Variants in TNRC6B observed in about 807,000 individuals in gnomAD.
The protein encoded by TNRC6B is trinucleotide repeat-containing gene 6B protein.
TNRC6B carries 52 observed loss-of-function variants against 203.6 expected under a neutral mutation model. That is an observed-to-expected ratio of 0.26 (90% CI 0.20 to 0.32). The LOEUF is 0.32. Among genes scored for constraint, TNRC6B ranks in the 10% least tolerant of loss-of-function variants. The pLI is 1.00. For missense variants in TNRC6B, 1,923 were observed against 2,286.2 expected (o/e 0.84, Z 3.24); for synonymous variants, 838 against 845.7 (o/e 0.99, Z 0.16).
rs530812812 is a variant in TNRC6B, at chr22:40,149,980, A to T, written c.46-6135A>T. ...CACCTGGTATAAAATAATTTTTTTT[A>T]AAATGAAAGCCAACAAAAAATTGAA... is the stretch of plus-strand genomic sequence containing the variant. On this transcript the variant is annotated intron_variant, in intron 3 of 23. Transcript: ENST00000301923. 4.4e-3 allele frequency among the ~76,000 whole-genome samples: 442 copies of T among 100,630 alleles called. 1 individual carries two copies. The highest frequency in any genetic ancestry group is 0.023 in the African/African-American group (393 of 16,984). 66.0% of individuals were successfully genotyped at this position (100,630 alleles called of 152,430 possible).
chr22:40,308,372 G>T (rs1437433575), intron 15 of TNRC6B, 140 bp from the exon 16 acceptor site: 1 of 971,180 alleles, frequency 1.0e-6, no homozygotes, highest in Admixed American at 2.0e-5. Context: ...TCAAAGCTTG[G>T]AATCAAAAAT....
rs368066817 is a variant in TNRC6B, at chr22:40,116,368, G to A, written c.-120-687G>A. Among the ~76,000 whole-genome samples the A allele has an allele frequency of 8.9e-4, 135 of 152,266 alleles. 2 individuals carry two copies. The South Asian group carries it at 0.019, about 21-fold the overall frequency. ...TGTTTGTTCATTGTAAAATGAAGTT[G>A]CTGGCCATTTAATATATATTCCTAT... On this transcript the variant is annotated intron_variant, in intron 1 of 23. Transcript: ENST00000301923.
chr22:40,097,602 A>G (rs2068195709), intron 1 of TNRC6B, among the ~76,000 whole-genome samples: 1 of 149,978 alleles, frequency 6.7e-6, no homozygotes. Flanking sequence ...CACTCTGCCA[A>G]AGGTACCTAT....
At chr22:40,267,168 A>G in intron 5 of TNRC6B, 132 bp downstream of exon 5, 1 of 925,520 alleles carries the variant, frequency 1.1e-6, no homozygotes, top group Non-Finnish European at 1.5e-6. Flanking sequence ...TCTGTTGCTA[A>G]CAGAACCTCT....
chr22:40,122,125 A>G (rs1194535900), intron 2 of TNRC6B, among the ~76,000 whole-genome samples: 1 of 152,242 alleles, frequency 6.6e-6, no homozygotes, highest in Non-Finnish European at 1.5e-5. Context: ...TTGAGACCCA[A>G]TAAATAGCAC....
At chr22:40,320,894 A>G (rs1373138028) in intron 21 of TNRC6B, among the ~76,000 whole-genome samples, 196 bp from the exon 22 acceptor site, 1 of 152,198 alleles carries the variant, frequency 6.6e-6, no homozygotes, top group African/African-American at 2.4e-5. Context: ...TTTTGACTCT[A>G]CAAGTTAACA....
chr22:40,170,832 CATATATGTACAT>C (rs1338203326), intron 4 of TNRC6B, among the ~76,000 whole-genome samples: 4 of 27,200 alleles, frequency 1.5e-4, no homozygotes, highest in African/African-American at 1.2e-3. Flanking sequence ...TGTGTATATA[CATATATGTACAT>C]ATATGTGTGT....
Position 40,321,181 on chromosome 22 carries a change from G to A in TNRC6B, c.5066G>A (p.Arg1689Gln), listed in dbSNP as rs1369299625. 9.3e-6 allele frequency: 15 copies of A among 1,613,822 alleles called. No homozygotes were observed. The highest frequency in any genetic ancestry group is 1.3e-5 in the Non-Finnish European group (15 of 1,179,896). The change falls in exon 22 of 23, where the codon CGA becomes CAA. Residue 1689 changes from arginine (R) to glutamine (Q), a missense_variant. This residue lies in a region of TNRC6B where 34 missense variants were observed against 98.5 expected (regional missense o/e 0.35). Coordinates refer to ENST00000454349, the MANE Select transcript of TNRC6B (RefSeq NM_001162501.2). ...CTAACCCAGGGCACTGCCCTGATCC[G>A]ATACAGCACCAAACAGGAGGCGGCC... ...LNLTQGTALI[R>Q]YSTKQEAAKA...
chr22:40,206,939 C>A (rs1219855021), intron 1 of TNRC6B, among the ~76,000 whole-genome samples: 1 of 152,118 alleles, frequency 6.6e-6, no homozygotes, highest in Non-Finnish European at 1.5e-5. Flanking sequence ...CTTAAAACAT[C>A]GGACGTTTAT....
chr22:40,083,687 A>G (rs2068078798), intron 1 of TNRC6B, among the ~76,000 whole-genome samples: 1 of 152,096 alleles, frequency 6.6e-6, no homozygotes, highest in Admixed American at 6.6e-5. Flanking sequence ...TTTATGAGTA[A>G]GAGAGAGGGG....
intron 1 of TNRC6B, among the ~76,000 whole-genome samples, chr22:40,085,626 G>A (rs1255812399): frequency 6.6e-6 from 1 of 152,132 alleles, no homozygotes; most frequent in Non-Finnish European, 1.5e-5. Context: ...GAGGAGGCTT[G>A]ATCTAATTCA....
intron 1 of TNRC6B, among the ~76,000 whole-genome samples, chr22:40,051,112 C>T (rs1363948041): frequency 3.9e-5 from 6 of 152,172 alleles, no homozygotes; most frequent in Non-Finnish European, 5.9e-5. Flanking sequence ...CGTGAGCCAC[C>T]GCACCCAGCC....
In TNRC6B at chr22:40,152,647, A is replaced by T. The variant is rs896590558; in HGVS notation, c.46-3468A>T. 5.3e-5 allele frequency among the ~76,000 whole-genome samples: 8 copies of T among 152,012 alleles called. No individual in the cohort carries two copies. The East Asian group carries it at 1.4e-3, about 26-fold the overall frequency. ...CCGGCCACACCCGGCTAATTTTTGTATTTTTAGTAGAGATGGGGTTTCACC... is the reference window on the plus strand; with the variant it reads ...CCGGCCACACCCGGCTAATTTTTGTTTTTTTAGTAGAGATGGGGTTTCACC... On this transcript the variant is annotated intron_variant, in intron 3 of 23. Transcript: ENST00000301923.
intron 6 of TNRC6B, among the ~76,000 whole-genome samples, chr22:40,271,365 A>T (rs2070561098): frequency 6.6e-6 from 1 of 152,248 alleles, no homozygotes; most frequent in South Asian, 2.1e-4. Flanking sequence ...ACAAGAAGAT[A>T]AATTCTGTTA....
Position 40,323,354 on chromosome 22 carries a change from AAG to A in TNRC6B, c.*115_*116del. On this transcript the variant is annotated 3_prime_UTR_variant, in exon 23 of 23. Transcript: ENST00000454349. ...AATAAATACATTTTTAAAAGGAAAA[AAG>A]AAAACGGAGAGAAAAAAAGGTGGGT... 1 of 1,360,534 alleles carries A rather than the reference AAG, an allele frequency of 7.4e-7. No individual in the cohort carries two copies. Among genetic ancestry groups the A allele is most frequent in the East Asian group, 2.4e-5 (1 of 41,998 alleles). The allele number at this position is 1,360,534 out of a possible 1,614,324, so 84.3% of individuals were successfully genotyped here. A position where few individuals can be genotyped will look rare whatever the true frequency, so the allele number is the denominator to read the frequency against.
At chr22:40,187,151 C>T (rs781596313) in intron 1 of TNRC6B, among the ~76,000 whole-genome samples, 27 of 152,128 alleles carry the variant, frequency 1.8e-4, no homozygotes, top group Admixed American at 5.2e-4. Flanking sequence ...TAGCCACGTG[C>T]GGCTACTCTG....
chr22:40,087,700 A>C (rs2068112283), intron 1 of TNRC6B, among the ~76,000 whole-genome samples: 1 of 152,118 alleles, frequency 6.6e-6, no homozygotes, highest in Non-Finnish European at 1.5e-5. Flanking sequence ...CTTCAAGCAA[A>C]GGGGCTAGCT....
intron 1 of TNRC6B, among the ~76,000 whole-genome samples, chr22:40,087,321 C>A (rs1312395858): frequency 6.6e-6 from 1 of 152,160 alleles, no homozygotes; most frequent in Non-Finnish European, 1.5e-5. Context: ...TGCCTTCTTT[C>A]CCAGTGTTCA....
intron 20 of TNRC6B, 63 bp downstream of exon 20, chr22:40,315,570 A>G: frequency 6.5e-7 from 1 of 1,533,694 alleles, no homozygotes; most frequent in South Asian, 1.2e-5. Flanking sequence ...GTTAACACAG[A>G]TGGTGAAGAC....
Sources: gnomAD v4.1 joint callset for allele counts (sites outside exome capture counted in the v4.1 genomes callset) on GRCh38, gnomAD v4.1.1 for gene constraint, gnomAD v4.1.1 regional missense constraint, MANE v1.5 for transcripts, NCBI Gene and HGNC (gene_info 2026-07-23, HGNC 2026-07-21) for gene names.